TBL1XR1: variants seen among roughly 807,000 people sequenced by gnomAD.
TBL1XR1 encodes TBL1X/Y related 1, also known as F-box-like/WD repeat-containing protein TBL1XR1.
TBL1XR1 carries 5 observed loss-of-function variants against 66.9 expected under a neutral mutation model. The ratio of observed to expected loss-of-function variants is 0.07; its 90% CI spans 0.04 to 0.16. The LOEUF is 0.16. TBL1XR1 is among the 10% of genes least tolerant of loss of function. The probability of loss-of-function intolerance (pLI) is 1.00; values close to 1 mark genes in which losing one functional copy is unlikely to be tolerated. For synonymous variants in TBL1XR1, 210 were observed against 206.0 expected (o/e 1.02, Z -0.17); for missense variants, 238 against 623.2 (o/e 0.38, Z 6.58).
chr3:177,102,035 C>A (rs1435651758), intron 1 of TBL1XR1, among the ~76,000 whole-genome samples: 6 of 152,084 alleles, frequency 3.9e-5, no homozygotes, highest in Non-Finnish European at 5.9e-5. Context: ...ATATAACACA[C>A]AAACTTACAT....
intron 6 of TBL1XR1, 37 bp downstream of exon 6, chr3:177,050,441 T>C: frequency 1.2e-6 from 2 of 1,607,312 alleles, no homozygotes. Context: ...CAATAAGATA[T>C]TTTTAAGTCA....
chr3:177,150,259 G>A (rs1452303337), intron 1 of TBL1XR1, among the ~76,000 whole-genome samples: 1 of 152,164 alleles, frequency 6.6e-6, no homozygotes, highest in Non-Finnish European at 1.5e-5. Flanking sequence ...GCCTTAGAGA[G>A]ACATATGGAA....
At chr3:177,156,275 C>T (rs930565049) in intron 1 of TBL1XR1, among the ~76,000 whole-genome samples, 1 of 150,242 alleles carries the variant, frequency 6.7e-6, no homozygotes, top group Non-Finnish European at 1.5e-5. Flanking sequence ...CCAAGAAGGG[C>T]GGATCTGACA....
At chr3:177,121,640 T>C (rs1461409223) in intron 1 of TBL1XR1, among the ~76,000 whole-genome samples, 3 of 152,188 alleles carry the variant, frequency 2.0e-5, no homozygotes, top group Non-Finnish European at 4.4e-5. Context: ...GTAATTAACA[T>C]AAATTTTGTA....
chr3:177,110,894 A>C (rs1725476351), intron 1 of TBL1XR1: 1 of 152,184 alleles, frequency 6.6e-6, no homozygotes, highest in Non-Finnish European at 1.5e-5. Flanking sequence ...ATATCTTTCA[A>C]ACAAAGAGGA....
chr3:177,195,194 T>TA (rs1377438940), intron 1 of TBL1XR1, among the ~76,000 whole-genome samples: 1 of 151,626 alleles, frequency 6.6e-6, no homozygotes, highest in Non-Finnish European at 1.5e-5. Flanking sequence ...AGGATAGGGT[T>TA]GAAAAAAAAA....
At chr3:177,174,250 T>C (rs1016605543) in intron 1 of TBL1XR1, among the ~76,000 whole-genome samples, 1 of 151,240 alleles carries the variant, frequency 6.6e-6, no homozygotes, top group Admixed American at 6.6e-5. Context: ...GTAGTAAAAA[T>C]ACAAAAAAAT....
chr3:177,078,611 A>T (rs1195054046), intron 2 of TBL1XR1: 1 of 151,646 alleles, frequency 6.6e-6, no homozygotes, highest in Admixed American at 6.6e-5. Flanking sequence ...ATAAAGTATA[A>T]TTCAAGCAGT....
rs535699354 is a variant in TBL1XR1 at position 177,168,831 on chromosome 3, AT to A, written c.-122+28289del. Among the ~76,000 whole-genome samples, 7 of 152,332 alleles carry A rather than the reference AT, an allele frequency of 4.6e-5. No homozygotes were observed. In the South Asian group the frequency reaches 1.5e-3, roughly 32 times the overall value. ...AAGCTGCATTATTTGATTTACAATT[AT>A]TTAAAGTATTCACTTCATTGAAATC... is the stretch of plus-strand genomic sequence containing the variant. On this transcript the variant is annotated intron_variant, in intron 1 of 15. Transcript: ENST00000457928.
intron 1 of TBL1XR1, among the ~76,000 whole-genome samples, chr3:177,108,183 C>G (rs1391223411): frequency 6.6e-6 from 1 of 151,986 alleles, no homozygotes; most frequent in Non-Finnish European, 1.5e-5. Context: ...AATAAATTAA[C>G]AGACCAAGCA....
intron 1 of TBL1XR1, among the ~76,000 whole-genome samples, chr3:177,139,655 C>A (rs533357694): frequency 5.8e-4 from 77 of 133,142 alleles, no homozygotes; most frequent in Admixed American, 1.0e-3. Context: ...AGCAAAAAAA[C>A]CCAAAAATAT....
chr3:177,197,916 G>T (rs1737129526), upstream of TBL1XR1, among the ~76,000 whole-genome samples: 1 of 149,848 alleles, frequency 6.7e-6, no homozygotes, highest in Non-Finnish European at 1.5e-5. Flanking sequence ...CCCGAGACGG[G>T]TGGGGGCGGG....
intron 1 of TBL1XR1, among the ~76,000 whole-genome samples, chr3:177,189,129 A>T (rs1735800464): frequency 6.6e-6 from 1 of 151,898 alleles, no homozygotes; most frequent in Admixed American, 6.6e-5. Context: ...AATCGCTTGA[A>T]CCCAGGAGGT....
intron 2 of TBL1XR1, among the ~76,000 whole-genome samples, chr3:177,084,103 G>A (rs112038166): frequency 0.097 from 8,536 of 88,092 alleles, 475 homozygotes; most frequent in East Asian, 0.27. Context: ...AAAAAAAAAA[G>A]AAAAAAGAAA....
chr3:177,117,162 C>G (rs1259882582), intron 1 of TBL1XR1, among the ~76,000 whole-genome samples: 2 of 152,196 alleles, frequency 1.3e-5, no homozygotes, highest in African/African-American at 4.8e-5. Flanking sequence ...CCATTTTTAA[C>G]TAACATCACA....
chr3:177,169,580 T>G (rs1457383131), intron 1 of TBL1XR1, among the ~76,000 whole-genome samples: 1 of 152,234 alleles, frequency 6.6e-6, no homozygotes, highest in East Asian at 1.9e-4. Flanking sequence ...ACAAAACCAC[T>G]GTTATAACTG....
intron 1 of TBL1XR1, among the ~76,000 whole-genome samples, chr3:177,194,282 C>A (rs1272781453): frequency 6.6e-6 from 1 of 152,186 alleles, no homozygotes. Flanking sequence ...ATAAATGTCT[C>A]GTGTTAGCTG....
At chr3:177,143,651 G>T (rs1729887321) in intron 1 of TBL1XR1, among the ~76,000 whole-genome samples, 1 of 152,122 alleles carries the variant, frequency 6.6e-6, no homozygotes, top group Non-Finnish European at 1.5e-5. Flanking sequence ...TTAAATTATT[G>T]TAACTACCAT....
intron 2 of TBL1XR1, among the ~76,000 whole-genome samples, chr3:177,089,011 CCA>C (rs1722497764): frequency 6.6e-6 from 1 of 152,220 alleles, no homozygotes; most frequent in Admixed American, 6.5e-5. Context: ...TCGCTATGTA[CCA>C]CACTCTTTCT....
Sources: allele counts gnomAD v4.1 joint callset (sites outside exome capture counted in the v4.1 genomes callset), GRCh38; gene constraint gnomAD v4.1.1; transcripts MANE v1.5; gene names NCBI Gene and HGNC (gene_info 2026-07-23, HGNC 2026-07-21).